DHRSX: variants seen among roughly 807,000 people sequenced by gnomAD.
DHRSX encodes the protein dehydrogenase/reductase X-linked, also known as polyprenol dehydrogenase.
In DHRSX, 31 loss-of-function variants were observed where a neutral mutation model predicts 34.0. That is an observed-to-expected ratio of 0.91 (90% CI 0.69 to 1.23). DHRSX has a LOEUF of 1.23. DHRSX is among the 50% of genes most tolerant of loss of function. The pLI is 0.00. For missense variants in DHRSX, 414 were observed against 428.1 expected (o/e 0.97, Z 0.29); for synonymous variants, 201 against 183.8 (o/e 1.09, Z -0.76).
At chrX:2,241,092 G>A (rs1301302047) in intron 6 of DHRSX, among the ~76,000 whole-genome samples, 4 of 152,108 alleles carry the variant, frequency 2.6e-5, no homozygotes, top group African/African-American at 4.8e-5. Flanking sequence ...GCTGAGGCAG[G>A]AGAATCACTT....
chrX:2,406,951 G>C (rs1347404726), intron 3 of DHRSX, among the ~76,000 whole-genome samples: 3 of 152,192 alleles, frequency 2.0e-5, no homozygotes, highest in Non-Finnish European at 4.4e-5. Context: ...GTGTATCAAA[G>C]AGATGCCTGC....
chrX:2,458,639 G>A (rs2044347079), intron 1 of DHRSX, among the ~76,000 whole-genome samples: 1 of 151,404 alleles, frequency 6.6e-6, no homozygotes, highest in South Asian at 2.1e-4. Flanking sequence ...ACGCATAAAC[G>A]CAGAGAGTGC....
In DHRSX at chrX:2,220,731, T is replaced by G; in HGVS notation, c.*310A>C. ...CTCTCTTGGAACTTTTGTACTCAGT[T>G]GTATTAACGCGGCAAGGAAAATGGC... On this transcript the variant is annotated 3_prime_UTR_variant, in exon 7 of 7. Transcript: ENST00000334651. 2.7e-6 allele frequency: 1 copy of G among 368,918 alleles called. No individual in the cohort carries two copies. The highest frequency in any genetic ancestry group is 4.9e-6 in the Non-Finnish European group (1 of 205,362). 22.9% of individuals were successfully genotyped at this position (368,918 alleles called of 1,614,324 possible). A position where few individuals can be genotyped will look rare whatever the true frequency, so the allele number is the denominator to read the frequency against.
chrX:2,255,776 A>G (rs867425860), intron 5 of DHRSX, among the ~76,000 whole-genome samples: 1 of 151,468 alleles, frequency 6.6e-6, no homozygotes, highest in African/African-American at 2.4e-5. Context: ...TTAGGTGGGC[A>G]TGGTGGCGGT....
chrX:2,224,859 T>G (rs2015605440), intron 6 of DHRSX, among the ~76,000 whole-genome samples: 1 of 150,254 alleles, frequency 6.7e-6, no homozygotes, highest in Non-Finnish European at 1.5e-5. Flanking sequence ...TGCACACAAA[T>G]TCGCATGCAC....
chrX:2,374,042 C>T (rs2043111804), intron 3 of DHRSX, among the ~76,000 whole-genome samples: 1 of 152,190 alleles, frequency 6.6e-6, no homozygotes, highest in Admixed American at 6.5e-5. Context: ...ACCTCTGCAC[C>T]TGCACACCTG....
chrX:2,225,890 T>C, intron 6 of DHRSX, among the ~76,000 whole-genome samples: 1 of 151,784 alleles, frequency 6.6e-6, no homozygotes, highest in South Asian at 2.1e-4. Context: ...TATTCTGTGA[T>C]AGCAGCCTGA....
chrX:2,378,634 G>C (rs1206584698), intron 3 of DHRSX, among the ~76,000 whole-genome samples: 1 of 151,836 alleles, frequency 6.6e-6, no homozygotes, highest in African/African-American at 2.4e-5. Context: ...TTCATTGTAA[G>C]AATATAGTAT....
chrX:2,419,140 C>G (rs766362529), intron 2 of DHRSX, among the ~76,000 whole-genome samples: 1 of 152,136 alleles, frequency 6.6e-6, no homozygotes, highest in Non-Finnish European at 1.5e-5. Flanking sequence ...TGTTGAAATT[C>G]TAACATCCCC....
chrX:2,454,522 C>T (rs1332555483), intron 1 of DHRSX, among the ~76,000 whole-genome samples: 3 of 108,242 alleles, frequency 2.8e-5, no homozygotes, highest in African/African-American at 1.6e-4. Flanking sequence ...AGAGAAACTC[C>T]GTCTCAAAAA....
At chrX:2,265,122 A>C (rs1221261702) in intron 5 of DHRSX, among the ~76,000 whole-genome samples, 13 of 140,516 alleles carry the variant, frequency 9.3e-5, no homozygotes, top group Admixed American at 9.0e-4. Context: ...ACCAGTGCTC[A>C]GCAGACGCAG....
chrX:2,349,725 T>C (rs1165038797), intron 3 of DHRSX, among the ~76,000 whole-genome samples: 1 of 151,006 alleles, frequency 6.6e-6, no homozygotes, highest in African/African-American at 2.4e-5. Flanking sequence ...ATACACACAA[T>C]GGGATACTTT....
chrX:2,429,041 T>C (rs1240267201), intron 1 of DHRSX, among the ~76,000 whole-genome samples: 4 of 152,186 alleles, frequency 2.6e-5, no homozygotes, highest in Non-Finnish European at 4.4e-5. Flanking sequence ...CATGAATCGA[T>C]GAAAAGGTAT....
At chrX:2,302,430 G>A (rs368149755) in intron 3 of DHRSX, among the ~76,000 whole-genome samples, 12 of 152,200 alleles carry the variant, frequency 7.9e-5, no homozygotes, top group Admixed American at 2.0e-4. Context: ...TGGCCAACAC[G>A]GTGAAACTGC....
At chrX:2,413,575 A>G (rs2086264918) in intron 2 of DHRSX, among the ~76,000 whole-genome samples, 1 of 152,218 alleles carries the variant, frequency 6.6e-6, no homozygotes, top group Non-Finnish European at 1.5e-5. Context: ...CTATTAAAAT[A>G]AGTAAATAGA....
chrX:2,221,622 T>G (rs1265260195), intron 6 of DHRSX, among the ~76,000 whole-genome samples: 3 of 152,136 alleles, frequency 2.0e-5, no homozygotes, highest in African/African-American at 7.2e-5. Context: ...AGCAATTAGA[T>G]GAAACATCAG....
At position 2,249,349 on chromosome X, in the gene DHRSX, T is replaced by C. The variant is rs952841243; in HGVS notation, c.597-6119A>G. 9.6e-5 allele frequency among the ~76,000 whole-genome samples: 14 copies of C among 145,088 alleles called. No individual in the cohort carries two copies. In the East Asian group the frequency reaches 1.0e-3, roughly 11 times the overall value. On this transcript the variant is annotated intron_variant, in intron 5 of 6. Transcript: ENST00000334651. ...CTGGGACTACAGGCACCTGCCACCA[T>C]GCCCGGCTTTTTTTTTTTTTTTGTA...
chrX:2,380,862 T>TTTTTG (rs1177413362), intron 3 of DHRSX, among the ~76,000 whole-genome samples: 2 of 152,136 alleles, frequency 1.3e-5, no homozygotes, highest in Non-Finnish European at 2.9e-5. Flanking sequence ...TGCTTTTGCT[T>TTTTTG]TTTTGTTTTG....
intron 1 of DHRSX, among the ~76,000 whole-genome samples, chrX:2,454,739 A>G (rs2044272150): frequency 6.6e-6 from 1 of 152,114 alleles, no homozygotes; most frequent in South Asian, 2.1e-4. Flanking sequence ...CATTTCATCC[A>G]TACCTCAAAA....
Sources: gnomAD v4.1 joint callset for allele counts (sites outside exome capture counted in the v4.1 genomes callset) on GRCh38, gnomAD v4.1.1 for gene constraint, MANE v1.5 for transcripts, NCBI Gene and HGNC (gene_info 2026-07-23, HGNC 2026-07-21) for gene names.